Variants in SUPT3H observed in about 807,000 individuals in gnomAD.
SUPT3H encodes SPT3 homolog, SAGA and STAGA complex component, also known as transcription initiation protein SPT3 homolog.
In SUPT3H, 44 loss-of-function variants were observed where a neutral mutation model predicts 44.3. The observed-to-expected ratio is 0.99, with a 90% CI of 0.78 to 1.28. The LOEUF (loss-of-function observed/expected upper bound fraction) is 1.28. Ranked by LOEUF, SUPT3H falls within the 50% of genes most tolerant of loss-of-function variation. The probability of loss-of-function intolerance (pLI) is 0.00; values close to 1 mark genes in which losing one functional copy is unlikely to be tolerated. For synonymous variants in SUPT3H, 124 were observed against 125.6 expected (o/e 0.99, Z 0.09); for missense variants, 380 against 387.1 (o/e 0.98, Z 0.15).
intron 9 of SUPT3H, among the ~76,000 whole-genome samples, chr6:44,944,781 A>G (rs1474983224): frequency 7.3e-6 from 1 of 136,956 alleles, no homozygotes; most frequent in Non-Finnish European, 1.7e-5. Context: ...AAAAAAAAAA[A>G]AAAAGAAAAG....
Position 45,326,138 on chromosome 6 carries a change from AAG to A in SUPT3H, c.101+39061_101+39062del, listed in dbSNP as rs374176213. Among the ~76,000 whole-genome samples the A allele has an allele frequency of 2.3e-3, 351 of 152,034 alleles. 1 individual carries two copies. The highest frequency in any genetic ancestry group is 7.7e-3 in the African/African-American group (320 of 41,542). On this transcript the variant is annotated intron_variant, in intron 2 of 10. Transcript: ENST00000371459. ...CTTAAATTCTTATCAGGTCAATTTG[AAG>A]AGCCAAAGTTTACATAAAGAAGATT...
At chr6:45,145,523 T>G (rs1245442491) in intron 2 of SUPT3H, among the ~76,000 whole-genome samples, 2 of 152,074 alleles carry the variant, frequency 1.3e-5, no homozygotes, top group South Asian at 2.1e-4. Flanking sequence ...CAACTCAAGA[T>G]GGATCAAAGA....
At chr6:45,094,155 A>G (rs1467465840) in intron 3 of SUPT3H, among the ~76,000 whole-genome samples, 1 of 152,110 alleles carries the variant, frequency 6.6e-6, no homozygotes, top group East Asian at 1.9e-4. Flanking sequence ...GAACCTAAGC[A>G]TTTATGAGAA....
At chr6:44,857,364 T>C (rs1773910623) in intron 10 of SUPT3H, among the ~76,000 whole-genome samples, 1 of 152,166 alleles carries the variant, frequency 6.6e-6, no homozygotes, top group Admixed American at 6.5e-5. Flanking sequence ...GAAAGGGATG[T>C]TCTACTGGGG....
chr6:44,979,594 T>G (rs1483995856), intron 6 of SUPT3H, among the ~76,000 whole-genome samples: 1 of 152,104 alleles, frequency 6.6e-6, no homozygotes, highest in Non-Finnish European at 1.5e-5. Context: ...GCTTTGGAAT[T>G]GACAGTGAAA....
intron 3 of SUPT3H, among the ~76,000 whole-genome samples, chr6:45,075,701 C>G (rs1794921989): frequency 6.6e-6 from 1 of 152,018 alleles, no homozygotes; most frequent in Admixed American, 6.6e-5. Flanking sequence ...GCAGAAGAAA[C>G]TATTATTATT....
At chr6:45,220,767 G>C (rs1397633960) in intron 2 of SUPT3H, among the ~76,000 whole-genome samples, 1 of 152,154 alleles carries the variant, frequency 6.6e-6, no homozygotes, top group African/African-American at 2.4e-5. Context: ...CACAGGCATG[G>C]GCAAGACACT....
chr6:45,137,483 T>A (rs1804491034), intron 2 of SUPT3H, among the ~76,000 whole-genome samples: 1 of 151,922 alleles, frequency 6.6e-6, no homozygotes, highest in East Asian at 1.9e-4. Context: ...TGTCTATGTA[T>A]ACCAACATAT....
chr6:44,983,294 A>G (rs1420045783), intron 6 of SUPT3H, among the ~76,000 whole-genome samples: 2 of 152,136 alleles, frequency 1.3e-5, no homozygotes, highest in African/African-American at 4.8e-5. Context: ...AGATTACAAG[A>G]AAGTCTTTGG....
At chr6:45,070,554 A>G (rs1179706490) in intron 3 of SUPT3H, among the ~76,000 whole-genome samples, 2 of 151,712 alleles carry the variant, frequency 1.3e-5, no homozygotes, top group African/African-American at 4.8e-5. Context: ...AGCCTGCCCA[A>G]CATGGTGAAA....
At chr6:44,996,480 C>T (rs921965566) in intron 6 of SUPT3H, among the ~76,000 whole-genome samples, 1 of 151,724 alleles carries the variant, frequency 6.6e-6, no homozygotes, top group South Asian at 2.1e-4. Context: ...ATTTAAAAGT[C>T]ACTTCCTTTG....
intron 3 of SUPT3H, among the ~76,000 whole-genome samples, chr6:45,062,879 G>C (rs1792409179): frequency 6.6e-6 from 1 of 152,054 alleles, no homozygotes; most frequent in Non-Finnish European, 1.5e-5. Context: ...CAGCGAGGCT[G>C]GGGGAGGGGC....
rs151018250 is a variant in SUPT3H, at chr6:45,144,274, C to T, written c.102-38268G>A. 2.5e-4 allele frequency among the ~76,000 whole-genome samples: 38 copies of T among 152,122 alleles called. 1 individual carries two copies. The highest frequency in any genetic ancestry group is 4.3e-4 in the Non-Finnish European group (29 of 67,966). ...AACTAAAGAACATGTTCCTGATGGA[C>T]GTAGATGCAAAGATCCTTAACAAAA... is the stretch of plus-strand genomic sequence containing the variant. On this transcript the variant is annotated intron_variant, in intron 2 of 10. Coordinates refer to ENST00000371459, the MANE Select transcript of SUPT3H (RefSeq NM_003599.4).
chr6:45,236,415 A>G (rs1006125176), intron 2 of SUPT3H, among the ~76,000 whole-genome samples: 2 of 152,170 alleles, frequency 1.3e-5, no homozygotes, highest in African/African-American at 4.8e-5. Flanking sequence ...GGTTAGTTCC[A>G]TCTTGGAACC....
chr6:44,921,279 T>C (rs1043204575), intron 10 of SUPT3H, among the ~76,000 whole-genome samples: 3 of 152,246 alleles, frequency 2.0e-5, no homozygotes, highest in Admixed American at 6.5e-5. Flanking sequence ...AAAAATCAAG[T>C]GCTGTCCTTT....
In SUPT3H at chr6:45,014,843, A is replaced by G; in HGVS notation, c.322T>C (p.Ser108Pro). 1 of 1,594,078 alleles carries G rather than the reference A, an allele frequency of 6.3e-7. No individual in the cohort carries two copies. The highest frequency in any genetic ancestry group is 2.3e-5 in the East Asian group (1 of 43,972). Residue 108 changes from serine to proline, a missense_variant, in exon 5 of 11, where the codon TCA becomes CCA. Physicochemically the swap from Ser to Pro is moderately conservative, Grantham distance 74. Transcript: ENST00000371459. ...TCATCGATGCCTTTGACAATCTTTG[A>G]TTTGTAGTCTCGGATAAACATGTAT... is the stretch of plus-strand genomic sequence containing the variant. ...LKYMFIRDYK[S>P]KIVKGIDEDD...
chr6:44,864,674 T>C (rs1291498540), intron 10 of SUPT3H, among the ~76,000 whole-genome samples: 2 of 152,272 alleles, frequency 1.3e-5, no homozygotes, highest in East Asian at 1.9e-4. Flanking sequence ...CTTTCAGCCA[T>C]GGCTGGAGTG....
chr6:45,254,826 A>G (rs572536217), intron 2 of SUPT3H, among the ~76,000 whole-genome samples: 1 of 152,242 alleles, frequency 6.6e-6, no homozygotes, highest in Non-Finnish European at 1.5e-5. Context: ...GAAATAAACA[A>G]TTCATAAGTT....
At chr6:45,122,686 A>AT (rs911751660) in intron 2 of SUPT3H, among the ~76,000 whole-genome samples, 2 of 152,194 alleles carry the variant, frequency 1.3e-5, no homozygotes, top group African/African-American at 4.8e-5. Context: ...TTTGTTTCTA[A>AT]TTAAAAAAAA....
Sources: gnomAD v4.1 joint callset for allele counts (sites outside exome capture counted in the v4.1 genomes callset) on GRCh38, gnomAD v4.1.1 for gene constraint, MANE v1.5 for transcripts, NCBI Gene and HGNC (gene_info 2026-07-23, HGNC 2026-07-21) for gene names.